The following RBFOX3 variants were observed in gnomAD, a reference collection of about 807,000 sequenced individuals.
The protein encoded by RBFOX3 is RNA binding protein fox-1 homolog 3.
RBFOX3 carries 17 observed loss-of-function variants against 48.7 expected under a neutral mutation model. The observed-to-expected ratio is 0.35, with a 90% confidence interval of 0.24 to 0.52. RBFOX3 has a LOEUF of 0.52. Ranked by LOEUF, RBFOX3 falls within the 20% of genes least tolerant of loss-of-function variation. The probability of loss-of-function intolerance (pLI) is 0.94; values close to 1 mark genes in which losing one functional copy is unlikely to be tolerated. For synonymous variants in RBFOX3, 212 were observed against 209.5 expected (o/e 1.01, Z -0.10); for missense variants, 382 against 497.5 (o/e 0.77, Z 2.21).
intron 4 of RBFOX3, chr17:79,234,706 T>C (rs1464090951): frequency 6.8e-6 from 1 of 146,148 alleles, no homozygotes; most frequent in Admixed American, 6.9e-5. Context: ...TTGGGTTTAT[T>C]GGGGGCATTA....
intron 1 of RBFOX3, among the ~76,000 whole-genome samples, chr17:79,574,642 A>G (rs1291214518): frequency 2.0e-5 from 3 of 152,258 alleles, no homozygotes; most frequent in Non-Finnish European, 4.4e-5. Context: ...AGAAGTAACT[A>G]TAAGTATACT....
In RBFOX3 at chr17:79,432,001, T is replaced by C. The variant is rs138903718; in HGVS notation, c.-175+50453A>G. ...GGTAAACACCGACGTAATTTCTGTC[T>C]CTATGAATGTAACCATTCTAGGGAC... On this transcript the variant is annotated intron_variant, in intron 2 of 14. Coordinates refer to ENST00000693108, the MANE Select transcript of RBFOX3 (RefSeq NM_001350451.2). Among the ~76,000 whole-genome samples the C allele has an allele frequency of 2.2e-3, 332 of 152,364 alleles. 2 individuals carry two copies. The highest frequency in any genetic ancestry group is 3.6e-3 in the Non-Finnish European group (245 of 68,036).
chr17:79,552,349 A>G (rs2091235245), intron 1 of RBFOX3, among the ~76,000 whole-genome samples: 1 of 152,224 alleles, frequency 6.6e-6, no homozygotes. Context: ...AAATGACTTA[A>G]AATAATGGCT....
At chr17:79,550,265 A>G (rs2091005496) in intron 1 of RBFOX3, among the ~76,000 whole-genome samples, 1 of 152,086 alleles carries the variant, frequency 6.6e-6, no homozygotes, top group Non-Finnish European at 1.5e-5. Flanking sequence ...GCTTTGATGT[A>G]AAAGGGGCAG....
intron 2 of RBFOX3, among the ~76,000 whole-genome samples, chr17:79,332,485 A>G (rs1598292938): frequency 6.6e-6 from 1 of 151,982 alleles, no homozygotes; most frequent in Non-Finnish European, 1.5e-5. Flanking sequence ...ACAAAAAGAG[A>G]TGAGAGACGG....
rs568598311 is a variant in RBFOX3, at chr17:79,094,596, C to T, written c.999-67G>A. 6.5e-6 allele frequency: 6 copies of T among 920,158 alleles called. No individual in the cohort carries two copies. The South Asian group carries it at 8.1e-5, about 12-fold the overall frequency. The allele number at this position is 920,158 out of a possible 1,614,324, so 57.0% of individuals were successfully genotyped here. A position where few individuals can be genotyped will look rare whatever the true frequency, so the allele number is the denominator to read the frequency against. On this transcript the variant is annotated intron_variant, in intron 13 of 14. Coordinates refer to ENST00000693108, the MANE Select transcript of RBFOX3 (RefSeq NM_001350451.2). ...GAGGGGGGCAGGTGAGGGGCAGCAA[C>T]GGCCTCCCACCTCCTCCCAGACACT...
intron 1 of RBFOX3, among the ~76,000 whole-genome samples, chr17:79,542,887 T>C (rs2089912164): frequency 1.3e-5 from 2 of 152,234 alleles, no homozygotes; most frequent in Non-Finnish European, 2.9e-5. Flanking sequence ...ATGTAAATTG[T>C]ATAAGGGATT....
intron 2 of RBFOX3, among the ~76,000 whole-genome samples, chr17:79,425,981 T>G (rs1183654718): frequency 6.6e-6 from 1 of 151,774 alleles, no homozygotes; most frequent in Non-Finnish European, 1.5e-5. Context: ...CGGTGACCAG[T>G]GTAACACTGG....
At chr17:79,354,295 G>A (rs2084539562) in intron 2 of RBFOX3, among the ~76,000 whole-genome samples, 1 of 152,224 alleles carries the variant, frequency 6.6e-6, no homozygotes. Flanking sequence ...CCGCCCTAAA[G>A]AGCCTCTGTA....
intron 3 of RBFOX3, among the ~76,000 whole-genome samples, chr17:79,257,294 G>C (rs762411142): frequency 3.9e-5 from 6 of 152,224 alleles, no homozygotes; most frequent in Non-Finnish European, 7.3e-5. Flanking sequence ...ACCAGCACAG[G>C]GATGCATGTT....
intron 2 of RBFOX3, among the ~76,000 whole-genome samples, chr17:79,408,938 T>C (rs1350506154): frequency 1.3e-5 from 2 of 152,134 alleles, no homozygotes; most frequent in Admixed American, 6.5e-5. Context: ...TCAAAAACAT[T>C]CCATCACGCC....
chr17:79,623,540 CA>C, the RBFOX3 span, among the ~76,000 whole-genome samples: 4 of 152,156 alleles, frequency 2.6e-5, no homozygotes, highest in East Asian at 1.9e-4. Context: ...AGACTGGGCG[CA>C]GTGGCTCAGA....
chr17:79,107,008 C>T (rs920060182), intron 5 of RBFOX3, among the ~76,000 whole-genome samples: 1 of 152,208 alleles, frequency 6.6e-6, no homozygotes, highest in Non-Finnish European at 1.5e-5. Flanking sequence ...TCTAGGCCTT[C>T]GCCCAAACTG....
the RBFOX3 span, among the ~76,000 whole-genome samples, chr17:79,641,071 A>G: frequency 6.6e-6 from 1 of 152,258 alleles, no homozygotes; most frequent in Non-Finnish European, 1.5e-5. Flanking sequence ...AGAAGTTAAT[A>G]TCCAAAATAT....
chr17:79,156,417 G>C (rs971768611), intron 4 of RBFOX3, among the ~76,000 whole-genome samples: 1 of 152,160 alleles, frequency 6.6e-6, no homozygotes, highest in Non-Finnish European at 1.5e-5. Context: ...TGACCCCAGA[G>C]GCCTGGCAGC....
intron 1 of RBFOX3, among the ~76,000 whole-genome samples, chr17:79,518,647 G>C (rs1476318679): frequency 6.6e-6 from 1 of 152,244 alleles, no homozygotes; most frequent in East Asian, 1.9e-4. Context: ...ACAGCCCCTG[G>C]GAGGAGGACC....
At chr17:79,304,026 G>T (rs1156800951) in intron 3 of RBFOX3, among the ~76,000 whole-genome samples, 3 of 152,178 alleles carry the variant, frequency 2.0e-5, no homozygotes, top group Admixed American at 6.5e-5. Context: ...GCCCCAGGGA[G>T]CCCATTTCTC....
chr17:79,249,782 G>A lies in RBFOX3; in HGVS notation c.-73-13977C>T, dbSNP rs2063676122. ...CCGACCAAACCTGGTACCTCCCTGT[G>A]TGTCCCTGATGCCGAGTTCCCTGTC... On this transcript the variant is annotated intron_variant, in intron 3 of 14. Coordinates refer to ENST00000693108, the MANE Select transcript of RBFOX3 (RefSeq NM_001350451.2). The surrounding 1 kb of genome is among the most constrained non-coding windows in gnomAD (Gnocchi z 4.1). Among the ~76,000 whole-genome samples the A allele has an allele frequency of 6.6e-6, 1 of 152,084 alleles. No individual in the cohort carries two copies. The highest frequency in any genetic ancestry group is 2.1e-4 in the South Asian group (1 of 4,822).
chr17:79,164,977 T>A (rs1200850372), intron 4 of RBFOX3, among the ~76,000 whole-genome samples: 2 of 152,088 alleles, frequency 1.3e-5, no homozygotes, highest in South Asian at 4.1e-4. Flanking sequence ...CAGAATAACA[T>A]CTGCTAAGGA....
Sources: gnomAD v4.1 joint callset for allele counts (sites outside exome capture counted in the v4.1 genomes callset) on GRCh38, gnomAD v4.1.1 for gene constraint, Gnocchi (gnomAD v3.1) non-coding constraint, MANE v1.5 for transcripts, NCBI Gene and HGNC (gene_info 2026-07-23, HGNC 2026-07-21) for gene names.